Variants in RAB2A observed in about 807,000 individuals in gnomAD.
RAB2A encodes RAB2A, member RAS oncogene family.
A neutral mutation model predicts 32.5 loss-of-function variants in RAB2A; 7 were observed. The observed-to-expected ratio is 0.22, with a 90% CI of 0.12 to 0.40. RAB2A has a LOEUF of 0.40. RAB2A is among the 10% of genes least tolerant of loss of function. RAB2A has a pLI of 1.00. For synonymous variants in RAB2A, 79 were observed against 85.2 expected (o/e 0.93, Z 0.40); for missense variants, 108 against 260.7 (o/e 0.41, Z 4.03).
At chr8:60,530,337 G>A (rs1158282683) in intron 1 of RAB2A, among the ~76,000 whole-genome samples, 1 of 151,892 alleles carries the variant, frequency 6.6e-6, no homozygotes, top group Non-Finnish European at 1.5e-5. Flanking sequence ...GCAGAGACAG[G>A]GTTTCAGCGC....
chr8:60,600,147 G>T (rs904001652), intron 6 of RAB2A, among the ~76,000 whole-genome samples: 1 of 151,680 alleles, frequency 6.6e-6, no homozygotes, highest in Non-Finnish European at 1.5e-5. Context: ...TCTACAAATG[G>T]CAAATAAGCA....
intron 1 of RAB2A, among the ~76,000 whole-genome samples, chr8:60,519,230 T>C (rs1807262524): frequency 6.6e-6 from 1 of 152,244 alleles, no homozygotes; most frequent in Admixed American, 6.5e-5. Context: ...TCCTGAAGCA[T>C]GAATGTCAAA....
intron 1 of RAB2A, among the ~76,000 whole-genome samples, chr8:60,555,003 A>G (rs1478622789): frequency 6.6e-6 from 1 of 152,272 alleles, no homozygotes; most frequent in Non-Finnish European, 1.5e-5. Flanking sequence ...GTTGGTTGTC[A>G]TAGAATTAAG....
chr8:60,576,510 T>C (rs968678900), intron 3 of RAB2A, among the ~76,000 whole-genome samples: 1 of 152,244 alleles, frequency 6.6e-6, no homozygotes, highest in African/African-American at 2.4e-5. Context: ...GAAATATTCC[T>C]ATTTTACATG....
At chr8:60,581,950 T>C (rs532588686) in intron 3 of RAB2A, among the ~76,000 whole-genome samples, 6 of 150,976 alleles carry the variant, frequency 4.0e-5, no homozygotes, top group East Asian at 1.9e-4. Flanking sequence ...TTCTTTCTTT[T>C]TTTTTTTTTT....
intron 3 of RAB2A, among the ~76,000 whole-genome samples, chr8:60,579,209 A>C (rs1803693525): frequency 2.0e-5 from 3 of 152,022 alleles, no homozygotes; most frequent in African/African-American, 7.2e-5. Context: ...CACCTGGCTA[A>C]TTTTTGTATT....
intron 1 of RAB2A, among the ~76,000 whole-genome samples, chr8:60,555,815 CA>C (rs1436952904): frequency 6.6e-6 from 1 of 152,082 alleles, no homozygotes; most frequent in East Asian, 1.9e-4. Flanking sequence ...GAACTAAAAA[CA>C]AAACTACCAT....
intron 1 of RAB2A, among the ~76,000 whole-genome samples, chr8:60,539,661 T>A (rs564946520): frequency 6.1e-4 from 93 of 152,314 alleles, no homozygotes; most frequent in African/African-American, 2.1e-3. Flanking sequence ...AGGTTTATAG[T>A]CTAGCTGTGC....
Position 60,553,401 on chromosome 8 carries a change from A to G in RAB2A, c.47-5451A>G, listed in dbSNP as rs535066645. 7.9e-5 allele frequency among the ~76,000 whole-genome samples: 12 copies of G among 152,314 alleles called. No individual in the cohort carries two copies. In the South Asian group the frequency reaches 2.1e-3, roughly 26 times the overall value. On this transcript the variant is annotated intron_variant, in intron 1 of 7. Coordinates refer to ENST00000262646, the MANE Select transcript of RAB2A (RefSeq NM_002865.3). ...ATGATGCCTTCACAGCAACGCCTAG[A>G]TTAGTGTTTGATTGCATAACTAGGG...
chr8:60,542,019 A>T (rs1468571473), intron 1 of RAB2A, among the ~76,000 whole-genome samples: 3 of 152,248 alleles, frequency 2.0e-5, no homozygotes, highest in Admixed American at 6.5e-5. Flanking sequence ...TGTGGCCTGG[A>T]GCAGCACCCT....
intron 1 of RAB2A, among the ~76,000 whole-genome samples, chr8:60,523,494 C>T (rs1807332814): frequency 6.6e-6 from 1 of 152,130 alleles, no homozygotes; most frequent in Non-Finnish European, 1.5e-5. Context: ...CTTTCTCAAC[C>T]AGTTTTCCAC....
intron 1 of RAB2A, among the ~76,000 whole-genome samples, chr8:60,549,194 G>A (rs1370468283): frequency 6.6e-6 from 1 of 151,708 alleles, no homozygotes; most frequent in Non-Finnish European, 1.5e-5. Context: ...CATCCCAGAC[G>A]ATGGGCGGCC....
intron 6 of RAB2A, among the ~76,000 whole-genome samples, chr8:60,617,235 A>G (rs1487974132): frequency 6.6e-6 from 1 of 152,166 alleles, no homozygotes. Context: ...AAATTTTGGT[A>G]TTTATAGGCT....
intron 6 of RAB2A, among the ~76,000 whole-genome samples, chr8:60,605,776 A>ATCTTG (rs1254308638): frequency 2.2e-4 from 33 of 150,286 alleles, no homozygotes; most frequent in African/African-American, 8.0e-4. Flanking sequence ...TCCCCATTGT[A>ATCTTG]TCTTGAAAGT....
At chr8:60,584,114 C>T in intron 3 of RAB2A, 94 bp from the exon 4 acceptor site, 1 of 1,036,884 alleles carries the variant, frequency 9.6e-7, no homozygotes, top group Non-Finnish European at 1.5e-6. Flanking sequence ...TTATGCACTC[C>T]TTCCCTACCT....
rs1163572549 is a variant in RAB2A at position 60,623,405 on chromosome 8, A to G, written c.*2636A>G. 6.6e-6 allele frequency: 1 copy of G among 152,244 alleles called. No homozygotes were observed. Among genetic ancestry groups the G allele is most frequent in the Non-Finnish European group, 1.5e-5 (1 of 68,032 alleles). The allele number at this position is 152,244 out of a possible 1,614,324, so 9.4% of individuals were successfully genotyped here. ...TGGCTTTGCAACACCTTAAACATTT[A>G]TTCTGTCATAGATAGTAAAGCCCCA... is the stretch of plus-strand genomic sequence containing the variant. On this transcript the variant is annotated 3_prime_UTR_variant, in exon 8 of 8. Coordinates refer to ENST00000262646, the MANE Select transcript of RAB2A (RefSeq NM_002865.3).
rs1225587090 is a variant in RAB2A at position 60,516,988 on chromosome 8, T to C, written c.-220T>C. The C allele has an allele frequency of 2.3e-6, 1 of 435,170 alleles. No homozygotes were observed. Among genetic ancestry groups the C allele is most frequent in the Non-Finnish European group, 4.1e-6 (1 of 243,946 alleles). 27.0% of individuals were successfully genotyped at this position (435,170 alleles called of 1,614,324 possible). A position where few individuals can be genotyped will look rare whatever the true frequency, so the allele number is the denominator to read the frequency against. On this transcript the variant is annotated 5_prime_UTR_variant, in exon 1 of 8. Transcript: ENST00000262646. ...GGCGGAGGCGCCGCGGCGGCTGTTA[T>C]TGTTCGGCTGGGCTCGGTCGGGCGC... is the stretch of plus-strand genomic sequence containing the variant.
rs369451041 is a variant in RAB2A, at chr8:60,547,024, C to T, written c.47-11828C>T. Among the ~76,000 whole-genome samples, 764 of 149,762 alleles carry T rather than the reference C, an allele frequency of 5.1e-3. 15 individuals carry two copies. In the South Asian group the frequency reaches 0.058, roughly 11 times the overall value. Reference sequence around the variant, plus strand: ...AAGTGAACAAAGGTCTCTGGTTTTCCTAGGCAGAGGACCCTGCGGCCTTCC... The same window carrying T: ...AAGTGAACAAAGGTCTCTGGTTTTCTTAGGCAGAGGACCCTGCGGCCTTCC... On this transcript the variant is annotated intron_variant, in intron 1 of 7. Coordinates refer to ENST00000262646, the MANE Select transcript of RAB2A (RefSeq NM_002865.3).
intron 1 of RAB2A, among the ~76,000 whole-genome samples, chr8:60,518,228 G>A (rs1186401987): frequency 2.0e-5 from 3 of 152,170 alleles, no homozygotes; most frequent in Non-Finnish European, 4.4e-5. Context: ...TTGTTTAGAT[G>A]TTGCAACTAT....
Sources: allele counts gnomAD v4.1 joint callset (sites outside exome capture counted in the v4.1 genomes callset), GRCh38; gene constraint gnomAD v4.1.1; transcripts MANE v1.5; gene names NCBI Gene and HGNC (gene_info 2026-07-23, HGNC 2026-07-21).